Variants in PTAFR observed in about 807,000 individuals in gnomAD.
The protein encoded by PTAFR is platelet-activating factor receptor.
In PTAFR, 8 loss-of-function variants were observed where a neutral mutation model predicts 14.7. The observed-to-expected ratio is 0.54, with a 90% CI of 0.32 to 0.98. PTAFR has a LOEUF of 0.98. Ranked by LOEUF, PTAFR falls within the 50% of genes least tolerant of loss-of-function variation. The pLI is 0.04. For missense variants in PTAFR, 337 were observed against 451.2 expected, an observed-to-expected ratio of 0.75 and a Z score of 2.29; for synonymous variants, 156 against 176.5, an observed-to-expected ratio of 0.88 and a Z score of 0.92.
rs1557683582 is a variant in PTAFR at position 28,150,321 on chromosome 1, A to G, written c.701T>C (p.Val234Ala). The G allele has an allele frequency of 6.2e-7, 1 of 1,613,932 alleles. No individual in the cohort carries two copies. The highest frequency in any genetic ancestry group is 8.5e-7 in the Non-Finnish European group (1 of 1,179,860). Reference sequence around the variant, plus strand: ...GATGAACACCGCCAAGACCGTGCACACCATCCACAGCGCCCGGCGCTTGAC... The same window carrying G: ...GATGAACACCGCCAAGACCGTGCACGCCATCCACAGCGCCCGGCGCTTGAC... ...AEVKRRALWM[V>A]CTVLAVFIIC... The change falls in exon 2 of 2, where the codon GTG (valine) becomes GCG (alanine). Residue 234 changes from valine (V) to alanine (A), a missense_variant. By Grantham distance (64) the Val-to-Ala change is moderately conservative. Transcript: ENST00000373857. This position sits in a 1 kb window ranked among gnomAD's most constrained non-coding sequence, Gnocchi z 6.3.
At chr1:28,189,791 G>A (rs770575869) in intron 1 of PTAFR, among the ~76,000 whole-genome samples, 7 of 147,598 alleles carry the variant, frequency 4.7e-5, no homozygotes, top group African/African-American at 1.0e-4. Flanking sequence ...TCAGCCTCCC[G>A]AGTAGCAGAG....
chr1:28,171,343 C>T (rs1646451550), intron 1 of PTAFR, among the ~76,000 whole-genome samples: 1 of 151,794 alleles, frequency 6.6e-6, no homozygotes, highest in African/African-American at 2.4e-5. Flanking sequence ...AAAAACTTGA[C>T]CTCACAGGAT....
In PTAFR at chr1:28,150,053, AT is replaced by A. The variant is rs780893287; in HGVS notation, c.968del (p.Asp323ValfsTer27). 1 of 1,614,190 alleles carries A rather than the reference AT, an allele frequency of 6.2e-7. No homozygotes were observed. The highest frequency in any genetic ancestry group is 8.5e-7 in the Non-Finnish European group (1 of 1,180,024). ...ATGGCACAACCACTTCAGTGACCGT[AT>A]CCGTGGTGGCCCGGGAGCATTTCCG... The part of the protein sequence containing the change: ...SSRKCSRATT[D>X]TVTEVVVPFN... On this transcript the variant is annotated frameshift_variant, in exon 2 of 2. Transcript: ENST00000373857. LOFTEE classifies it low-confidence loss of function (END_TRUNC). The surrounding 1 kb of genome is among the most constrained non-coding windows in gnomAD (Gnocchi z 6.3).
chr1:28,166,033 G>A (rs1348597295), intron 1 of PTAFR, among the ~76,000 whole-genome samples: 4 of 152,126 alleles, frequency 2.6e-5, no homozygotes, highest in African/African-American at 9.7e-5. Flanking sequence ...GAACAAAACT[G>A]AAAGACAACT....
At chr1:28,151,755 T>C (rs1431372965) in intron 1 of PTAFR, among the ~76,000 whole-genome samples, 1 of 152,184 alleles carries the variant, frequency 6.6e-6, no homozygotes, top group African/African-American at 2.4e-5. Flanking sequence ...CCTTTTGCCA[T>C]GTGAGGTCAC....
At chr1:28,175,017 C>T (rs967336619) in intron 1 of PTAFR, among the ~76,000 whole-genome samples, 1 of 152,186 alleles carries the variant, frequency 6.6e-6, no homozygotes, top group African/African-American at 2.4e-5. Flanking sequence ...ACCTCCGCCT[C>T]CCAGGTTCAA....
chr1:28,156,754 A>G (rs940125844), intron 1 of PTAFR, among the ~76,000 whole-genome samples: 2 of 152,202 alleles, frequency 1.3e-5, no homozygotes, highest in South Asian at 4.1e-4. Flanking sequence ...CCTTCCTTGG[A>G]TCCCAAGATG....
intron 1 of PTAFR, among the ~76,000 whole-genome samples, chr1:28,191,586 A>AAGAGAG (rs35747744): frequency 7.4e-4 from 108 of 145,568 alleles, no homozygotes; most frequent in East Asian, 6.4e-3. Flanking sequence ...GAAAAAAGAA[A>AAGAGAG]AGAGAGAGAG....
At chr1:28,192,703 G>A (rs566892951) in intron 1 of PTAFR, among the ~76,000 whole-genome samples, 3 of 151,766 alleles carry the variant, frequency 2.0e-5, no homozygotes, top group Admixed American at 2.0e-4. Flanking sequence ...CTGGAGTGCA[G>A]TGGTGGGATC....
At chr1:28,170,769 G>A (rs559187025) in intron 1 of PTAFR, among the ~76,000 whole-genome samples, 20 of 151,950 alleles carry the variant, frequency 1.3e-4, no homozygotes, top group African/African-American at 4.3e-4. Flanking sequence ...GGGAGGCCAA[G>A]GCGGGCGGAT....
chr1:28,187,064 T>A (rs1159863553), intron 1 of PTAFR, among the ~76,000 whole-genome samples: 1 of 152,220 alleles, frequency 6.6e-6, no homozygotes, highest in Non-Finnish European at 1.5e-5. Context: ...GTTCTGGGAT[T>A]ACAGGCGTGA....
intron 1 of PTAFR, among the ~76,000 whole-genome samples, chr1:28,168,361 T>C (rs967741936): frequency 3.9e-5 from 6 of 152,122 alleles, no homozygotes; most frequent in African/African-American, 1.4e-4. Context: ...AACATGTCCA[T>C]GGACAGATGA....
At chr1:28,171,569 A>G (rs1319505905) in intron 1 of PTAFR, among the ~76,000 whole-genome samples, 1 of 152,240 alleles carries the variant, frequency 6.6e-6, no homozygotes. Flanking sequence ...TTAAGGGAGG[A>G]GAAATCCTGA....
At chr1:28,161,972 T>C (rs946466352) in intron 1 of PTAFR, among the ~76,000 whole-genome samples, 8 of 152,220 alleles carry the variant, frequency 5.3e-5, no homozygotes, top group African/African-American at 1.9e-4. Context: ...AATTTCATCA[T>C]GTTCTGAAGT....
Position 28,150,854 on chromosome 1 carries a change from C to G in PTAFR, c.168G>C (p.Met56Ile), listed in dbSNP as rs1220704630. Residue 56 changes from methionine (M) to isoleucine (I), a missense_variant, in exon 2 of 2, where the codon ATG becomes ATC. By Grantham distance (10) the Met-to-Ile change is conservative. Transcript: ENST00000373857. This position sits in a 1 kb window ranked among gnomAD's most constrained non-coding sequence, Gnocchi z 6.3. Reference sequence around the variant, plus strand: ...GCATGTCCGCCATGGTGAGGTTCACCATGAAGATCTTTATCTCATTGAATT... The same window carrying G: ...GCATGTCCGCCATGGTGAGGTTCACGATGAAGATCTTTATCTCATTGAATT... ...CKKFNEIKIF[M>I]VNLTMADMLF... The G allele has an allele frequency of 6.2e-6, 10 of 1,614,000 alleles. No individual in the cohort carries two copies. The highest frequency in any genetic ancestry group is 8.5e-6 in the Non-Finnish European group (10 of 1,180,032).
At chr1:28,185,999 ATGGAGT>A in intron 1 of PTAFR, among the ~76,000 whole-genome samples, 1 of 152,088 alleles carries the variant, frequency 6.6e-6, no homozygotes, top group African/African-American at 2.4e-5. Context: ...GATCTTTGAG[ATGGAGT>A]CTTATCCTGT....
At chr1:28,171,024 A>ATAAT (rs1646447710) in intron 1 of PTAFR, among the ~76,000 whole-genome samples, 1 of 150,060 alleles carries the variant, frequency 6.7e-6, no homozygotes, top group African/African-American at 2.5e-5. Context: ...TAATAAATAA[A>ATAAT]TAATTAATAC....
chr1:28,181,998 A>G (rs766203426), intron 1 of PTAFR, among the ~76,000 whole-genome samples: 4 of 152,074 alleles, frequency 2.6e-5, no homozygotes, highest in Non-Finnish European at 5.9e-5. Context: ...ACCAATTGCT[A>G]CATGAATCTT....
chr1:28,174,988 G>A (rs1463831027), intron 1 of PTAFR, among the ~76,000 whole-genome samples: 10 of 152,084 alleles, frequency 6.6e-5, no homozygotes, highest in Non-Finnish European at 1.2e-4. Context: ...GTGCGATGGC[G>A]CCATCTCAGC....
Sources: allele counts gnomAD v4.1 joint callset (sites outside exome capture counted in the v4.1 genomes callset), GRCh38; gene constraint gnomAD v4.1.1; non-coding constraint Gnocchi (gnomAD v3.1); transcripts MANE v1.5; gene names NCBI Gene and HGNC (gene_info 2026-07-23, HGNC 2026-07-21).